The following KCNJ6 variants were observed in gnomAD, a reference collection of about 807,000 sequenced individuals.
The protein encoded by KCNJ6 is G protein-activated inward rectifier potassium channel 2.
In KCNJ6, 9 loss-of-function variants were observed where a neutral mutation model predicts 34.2. That is an observed-to-expected ratio of 0.26 (90% CI 0.16 to 0.46). KCNJ6 has a LOEUF of 0.46. Ranked by LOEUF, KCNJ6 falls within the 20% of genes least tolerant of loss-of-function variation. The pLI, the probability that KCNJ6 is intolerant of heterozygous loss-of-function variation, is 1.00. For missense variants in KCNJ6, 236 were observed against 531.3 expected (o/e 0.44, Z 5.46); for synonymous variants, 196 against 207.1 (o/e 0.95, Z 0.46).
chr21:37,651,302 C>A (rs73904010), intron 3 of KCNJ6, among the ~76,000 whole-genome samples: 21,837 of 152,096 alleles, frequency 0.14, 2,400 homozygotes, highest in African/African-American at 0.3. Flanking sequence ...GAGCGGGGGC[C>A]CACATGTAGG....
intron 1 of KCNJ6, among the ~76,000 whole-genome samples, chr21:37,858,153 A>T (rs1156532901): frequency 6.6e-6 from 1 of 152,076 alleles, no homozygotes; most frequent in Non-Finnish European, 1.5e-5. Flanking sequence ...GCACTTTGGG[A>T]GGCCGAAGAG....
At chr21:37,716,924 G>T (rs2054794639) in intron 2 of KCNJ6, among the ~76,000 whole-genome samples, 1 of 142,950 alleles carries the variant, frequency 7.0e-6, no homozygotes, top group African/African-American at 2.7e-5. Flanking sequence ...TCTGCCATGT[G>T]TTTCCTTTAT....
chr21:37,875,978 G>A (rs149607093), intron 1 of KCNJ6, among the ~76,000 whole-genome samples: 6 of 152,278 alleles, frequency 3.9e-5, no homozygotes, highest in Non-Finnish European at 8.8e-5. Flanking sequence ...GAATCAATGG[G>A]GACCATCGAT....
chr21:37,841,620 T>C (rs1486216728), intron 1 of KCNJ6, among the ~76,000 whole-genome samples: 2 of 152,216 alleles, frequency 1.3e-5, no homozygotes, highest in Admixed American at 1.3e-4. Context: ...CTGTGCATAT[T>C]TACAGATATG....
chr21:37,842,933 C>T (rs927355645), intron 1 of KCNJ6, among the ~76,000 whole-genome samples: 4 of 152,186 alleles, frequency 2.6e-5, no homozygotes, highest in African/African-American at 9.7e-5. Context: ...GTCCGTCTAG[C>T]TGTACTAGCT....
At chr21:37,904,394 A>G (rs1390289399) in intron 1 of KCNJ6, among the ~76,000 whole-genome samples, 1 of 152,246 alleles carries the variant, frequency 6.6e-6, no homozygotes, top group African/African-American at 2.4e-5. Context: ...TCAGTGGTGC[A>G]AGCCAAATAA....
chr21:37,718,687 G>T (rs571424263), intron 2 of KCNJ6, among the ~76,000 whole-genome samples: 7 of 152,048 alleles, frequency 4.6e-5, no homozygotes, highest in Non-Finnish European at 8.8e-5. Flanking sequence ...ATTGGGGGAG[G>T]GATAGTATTA....
intron 2 of KCNJ6, among the ~76,000 whole-genome samples, chr21:37,760,754 C>A (rs980787801): frequency 6.6e-6 from 1 of 152,200 alleles, no homozygotes; most frequent in African/African-American, 2.4e-5. Context: ...GGTCTCCTGG[C>A]ACCTCACCTA....
At chr21:37,835,053 G>A (rs1460250503) in intron 2 of KCNJ6, among the ~76,000 whole-genome samples, 2 of 152,176 alleles carry the variant, frequency 1.3e-5, no homozygotes, top group East Asian at 1.9e-4. Context: ...CCCTAGGGAC[G>A]CTCTGGCTGC....
rs2054285650 is a variant in KCNJ6 at position 37,620,120 on chromosome 21, A to G, written c.*5039T>C. 1 of 152,214 alleles carries G rather than the reference A, an allele frequency of 6.6e-6. No individual in the cohort carries two copies. The highest frequency in any genetic ancestry group is 2.1e-4 in the South Asian group (1 of 4,828). The allele number at this position is 152,214 out of a possible 1,614,324, so 9.4% of individuals were successfully genotyped here. On this transcript the variant is annotated 3_prime_UTR_variant, in exon 4 of 4. Coordinates refer to ENST00000609713, the MANE Select transcript of KCNJ6 (RefSeq NM_002240.5). Reference sequence around the variant, plus strand: ...AAAAAGTCATTCTTCTATATTGCCTAGGACTCTCTTAAGAGTACAGTACAA... The same window carrying G: ...AAAAAGTCATTCTTCTATATTGCCTGGGACTCTCTTAAGAGTACAGTACAA...
intron 3 of KCNJ6, among the ~76,000 whole-genome samples, chr21:37,639,828 A>C (rs1204465150): frequency 1.3e-5 from 2 of 152,124 alleles, no homozygotes; most frequent in African/African-American, 4.8e-5. Context: ...TTTTGTTTAA[A>C]AGTGTGTGGC....
chr21:37,904,489 A>C (rs1311699940), intron 1 of KCNJ6, among the ~76,000 whole-genome samples: 2 of 152,214 alleles, frequency 1.3e-5, no homozygotes, highest in African/African-American at 2.4e-5. Flanking sequence ...TCTTGAAAAA[A>C]AATTATCTTC....
intron 3 of KCNJ6, among the ~76,000 whole-genome samples, chr21:37,630,226 G>T (rs1415035488): frequency 6.7e-6 from 1 of 149,972 alleles, no homozygotes; most frequent in Admixed American, 6.7e-5. Flanking sequence ...TGTGAGTAAA[G>T]TACTTTCTGG....
At chr21:37,667,119 T>G (rs1457023025) in intron 3 of KCNJ6, among the ~76,000 whole-genome samples, 1 of 105,280 alleles carries the variant, frequency 9.5e-6, no homozygotes, top group African/African-American at 3.8e-5. Flanking sequence ...CACATCCCCC[T>G]CTCCGAGAAA....
At chr21:37,899,780 A>G (rs1372832979) in intron 1 of KCNJ6, among the ~76,000 whole-genome samples, 2 of 152,226 alleles carry the variant, frequency 1.3e-5, no homozygotes, top group African/African-American at 2.4e-5. Flanking sequence ...ATGGGAAAAC[A>G]GTAAGTTCCC....
intron 2 of KCNJ6, among the ~76,000 whole-genome samples, chr21:37,793,368 C>T (rs2055225937): frequency 6.6e-6 from 1 of 152,176 alleles, no homozygotes; most frequent in South Asian, 2.1e-4. Context: ...CCCCAAAACC[C>T]TTCAGCCTTC....
At chr21:37,625,547 CA>C (rs2054307105) in intron 3 of KCNJ6, 63 bp from the exon 4 acceptor site, 2 of 1,255,720 alleles carry the variant, frequency 1.6e-6, no homozygotes, top group Admixed American at 4.0e-5. Context: ...GCCAAGGAGT[CA>C]CAGAGAGCCA....
chr21:37,658,112 G>A (rs1411292098), intron 3 of KCNJ6, among the ~76,000 whole-genome samples: 1 of 147,668 alleles, frequency 6.8e-6, no homozygotes, highest in African/African-American at 2.7e-5. Context: ...TAACCTGGTG[G>A]GGGCAGGGAA....
At chr21:37,848,103 T>C (rs889016410) in intron 1 of KCNJ6, among the ~76,000 whole-genome samples, 3 of 152,054 alleles carry the variant, frequency 2.0e-5, no homozygotes, top group Admixed American at 1.3e-4. Flanking sequence ...AGACAGCTGC[T>C]CAGGAGGGAG....
Sources: allele counts gnomAD v4.1 joint callset (sites outside exome capture counted in the v4.1 genomes callset), GRCh38; gene constraint gnomAD v4.1.1; transcripts MANE v1.5; gene names NCBI Gene and HGNC (gene_info 2026-07-23, HGNC 2026-07-21).